The following KIAA1328 variants were observed in gnomAD, a reference collection of about 807,000 sequenced individuals.
KIAA1328 encodes the protein protein hinderin.
KIAA1328 carries 52 observed loss-of-function variants against 68.1 expected under a neutral mutation model. That is an observed-to-expected ratio of 0.76 (90% CI 0.61 to 0.96). KIAA1328 has a LOEUF of 0.96. Among genes scored for constraint, KIAA1328 ranks in the 40% least tolerant of loss-of-function variants. KIAA1328 has a pLI of 0.00. For synonymous variants in KIAA1328, 232 were observed against 239.4 expected (o/e 0.97, Z 0.28); for missense variants, 641 against 677.6 (o/e 0.95, Z 0.60).
intron 6 of KIAA1328, among the ~76,000 whole-genome samples, chr18:37,059,880 T>A (rs1455816753): frequency 6.6e-6 from 1 of 152,090 alleles, no homozygotes; most frequent in Non-Finnish European, 1.5e-5. Context: ...TGAGTTAATG[T>A]CCTTTGCAGG....
At chr18:36,913,521 C>CACACA (rs373001161) in intron 5 of KIAA1328, among the ~76,000 whole-genome samples, 1 of 92,920 alleles carries the variant, frequency 1.1e-5, no homozygotes. Flanking sequence ...CACACACACA[C>CACACA]ACTTAGAGGA....
At chr18:36,881,845 C>T (rs1188783757) in intron 4 of KIAA1328, among the ~76,000 whole-genome samples, 1 of 152,132 alleles carries the variant, frequency 6.6e-6, no homozygotes, top group African/African-American at 2.4e-5. Context: ...TTTTGGTTAT[C>T]TATTCATCCA....
intron 5 of KIAA1328, among the ~76,000 whole-genome samples, chr18:36,931,434 C>T (rs2050307123): frequency 6.6e-6 from 1 of 151,998 alleles, no homozygotes; most frequent in African/African-American, 2.4e-5. Flanking sequence ...CTAACTAATG[C>T]CTGATGATCT....
At chr18:36,956,622 T>C (rs1316557117) in intron 5 of KIAA1328, among the ~76,000 whole-genome samples, 2 of 152,140 alleles carry the variant, frequency 1.3e-5, no homozygotes, top group Admixed American at 6.5e-5. Context: ...CCTGTTTTTA[T>C]ATTCTCCCAC....
intron 6 of KIAA1328, among the ~76,000 whole-genome samples, chr18:37,028,996 T>A (rs907528546): frequency 6.6e-6 from 1 of 152,146 alleles, no homozygotes; most frequent in Admixed American, 6.5e-5. Flanking sequence ...GTTGTGTCTC[T>A]GCCAGATTTT....
chr18:36,917,757 A>T (rs567741248), intron 5 of KIAA1328, among the ~76,000 whole-genome samples: 1 of 152,126 alleles, frequency 6.6e-6, no homozygotes, highest in African/African-American at 2.4e-5. Context: ...TCCATCTGAC[A>T]TTGTCATCCT....
intron 6 of KIAA1328, among the ~76,000 whole-genome samples, chr18:36,988,537 C>T (rs958598600): frequency 1.3e-5 from 2 of 152,064 alleles, no homozygotes; most frequent in African/African-American, 4.8e-5. Flanking sequence ...TATAAGTGAC[C>T]GTTTGGCAAG....
At chr18:36,981,520 A>G (rs1248769948) in intron 6 of KIAA1328, among the ~76,000 whole-genome samples, 1 of 152,228 alleles carries the variant, frequency 6.6e-6, no homozygotes, top group Admixed American at 6.5e-5. Context: ...AGCCATTATT[A>G]TACCTATATT....
chr18:36,834,290 T>C (rs762785635), intron 1 of KIAA1328, 30 bp from the exon 2 acceptor site: 1 of 1,542,626 alleles, frequency 6.5e-7, no homozygotes, highest in Non-Finnish European at 8.7e-7. Flanking sequence ...GATAATATTA[T>C]TGTATTTTCC....
At chr18:37,142,481 C>T (rs888434051) in intron 7 of KIAA1328, among the ~76,000 whole-genome samples, 1 of 152,194 alleles carries the variant, frequency 6.6e-6, no homozygotes, top group Non-Finnish European at 1.5e-5. Context: ...CAGGCGTGAG[C>T]TACCGCACCC....
At chr18:36,949,597 T>TCCCCCACCCCCC (rs2051061726) in intron 5 of KIAA1328, among the ~76,000 whole-genome samples, 1 of 57,360 alleles carries the variant, frequency 1.7e-5, no homozygotes. Context: ...TCTACCCAGC[T>TCCCCCACCCCCC]CCCCCCCCCC....
At chr18:37,101,089 A>C (rs2151869442) in intron 7 of KIAA1328, among the ~76,000 whole-genome samples, 1 of 152,260 alleles carries the variant, frequency 6.6e-6, no homozygotes, top group African/African-American at 2.4e-5. Flanking sequence ...GCAGAAAACG[A>C]AACTCTAAAT....
intron 9 of KIAA1328, among the ~76,000 whole-genome samples, chr18:37,219,069 G>A (rs539645512): frequency 2.4e-4 from 37 of 152,304 alleles, no homozygotes; most frequent in African/African-American, 8.9e-4. Context: ...ACAGTCAGGT[G>A]TCTCAGCTGC....
At chr18:37,026,259 C>A (rs1210546535) in intron 6 of KIAA1328, among the ~76,000 whole-genome samples, 1 of 152,070 alleles carries the variant, frequency 6.6e-6, no homozygotes, top group Admixed American at 6.6e-5. Flanking sequence ...AAGTCCAGGA[C>A]CAGATGGATT....
At chr18:36,848,113 A>G (rs2047088101) in intron 4 of KIAA1328, among the ~76,000 whole-genome samples, 1 of 151,674 alleles carries the variant, frequency 6.6e-6, no homozygotes, top group African/African-American at 2.4e-5. Flanking sequence ...CTAAAGGAAA[A>G]TTGTTTCCTG....
chr18:36,977,248 C>A (rs747756640), intron 6 of KIAA1328, among the ~76,000 whole-genome samples: 38 of 152,166 alleles, frequency 2.5e-4, no homozygotes, highest in Non-Finnish European at 4.4e-4. Context: ...CTGTCATTGG[C>A]ATCGTGAGGT....
At chr18:37,200,475 T>G (rs930854335) in intron 9 of KIAA1328, among the ~76,000 whole-genome samples, 1 of 152,212 alleles carries the variant, frequency 6.6e-6, no homozygotes, top group African/African-American at 2.4e-5. Context: ...AAGGGTCACA[T>G]GACTTCTCTT....
intron 5 of KIAA1328, among the ~76,000 whole-genome samples, chr18:36,927,571 A>G (rs1232446403): frequency 6.6e-6 from 1 of 152,022 alleles, no homozygotes; most frequent in Non-Finnish European, 1.5e-5. Flanking sequence ...ATAGGGCGAA[A>G]CTTCATCTCT....
At chr18:37,028,269 G>A (rs1285798568) in intron 6 of KIAA1328, among the ~76,000 whole-genome samples, 5 of 151,994 alleles carry the variant, frequency 3.3e-5, no homozygotes, top group African/African-American at 7.2e-5. Flanking sequence ...AGCTGTATTC[G>A]AAAATATTTT....
Sources: allele counts gnomAD v4.1 joint callset (sites outside exome capture counted in the v4.1 genomes callset), GRCh38; gene constraint gnomAD v4.1.1; transcripts MANE v1.5; gene names NCBI Gene and HGNC (gene_info 2026-07-23, HGNC 2026-07-21).